The following CDH2 variants were observed in gnomAD, a reference collection of about 807,000 sequenced individuals.
The protein encoded by CDH2 is cadherin-2.
A neutral mutation model predicts 92.0 loss-of-function variants in CDH2; 17 were observed. That is an observed-to-expected ratio of 0.18 (90% CI 0.13 to 0.28). The LOEUF (loss-of-function observed/expected upper bound fraction) is 0.28, where lower values mean the gene tolerates loss of function less well. Ranked by LOEUF, CDH2 falls within the 10% of genes least tolerant of loss-of-function variation. The pLI, the probability that CDH2 is intolerant of heterozygous loss-of-function variation, is 1.00. For synonymous variants in CDH2, 419 were observed against 415.9 expected (o/e 1.01, Z -0.09); for missense variants, 862 against 1,133.1 (o/e 0.76, Z 3.44).
chr18:28,070,462 T>C (rs997226704), intron 2 of CDH2, among the ~76,000 whole-genome samples: 3 of 152,204 alleles, frequency 2.0e-5, no homozygotes, highest in Non-Finnish European at 2.9e-5. Context: ...TCTCATTCCA[T>C]GGCACCAGGT....
chr18:27,988,670 C>G lies in CDH2; in HGVS notation c.1599-4G>C. 6.3e-7 allele frequency: 1 copy of G among 1,587,248 alleles called. No individual in the cohort carries two copies. The highest frequency in any genetic ancestry group is 1.1e-5 in the South Asian group (1 of 89,044). ...AGGATCAGATAATTTAGTGTATCTA[C>G]AAAATGAAAGTGAAGTTTAATTTCT... On this transcript the variant is annotated splice_polypyrimidine_tract_variant and splice_region_variant and intron_variant, in intron 10 of 15. Transcript: ENST00000269141.
intron 2 of CDH2, among the ~76,000 whole-genome samples, chr18:28,075,224 T>C (rs1292892345): frequency 5.9e-5 from 9 of 152,172 alleles, no homozygotes; most frequent in East Asian, 3.9e-4. Context: ...AGTGCTGTGA[T>C]AGAGGTATGT....
intron 2 of CDH2, among the ~76,000 whole-genome samples, chr18:28,135,569 C>T (rs1330810177): frequency 6.6e-6 from 1 of 152,060 alleles, no homozygotes; most frequent in Non-Finnish European, 1.5e-5. Flanking sequence ...GTGAGATTAT[C>T]CCATAAGGGA....
At chr18:28,038,459 G>GTC (rs1174253149) in intron 2 of CDH2, among the ~76,000 whole-genome samples, 1 of 140,664 alleles carries the variant, frequency 7.1e-6, no homozygotes, top group Non-Finnish European at 1.5e-5. Flanking sequence ...GTGTGTGTGT[G>GTC]TGTCTATGTG....
intron 15 of CDH2, among the ~76,000 whole-genome samples, chr18:27,960,660 C>T (rs754490729): frequency 2.6e-5 from 4 of 152,148 alleles, no homozygotes; most frequent in Admixed American, 2.6e-4. Flanking sequence ...ATTACTTGCA[C>T]AGTTATGTTA....
chr18:28,143,001 G>A (rs780973291), intron 2 of CDH2, among the ~76,000 whole-genome samples: 10 of 151,836 alleles, frequency 6.6e-5, no homozygotes, highest in Admixed American at 4.6e-4. Flanking sequence ...ATACCATACC[G>A]CAGCTTCTTC....
At chr18:28,092,600 A>G (rs530009402) in intron 2 of CDH2, among the ~76,000 whole-genome samples, 165 of 151,930 alleles carry the variant, frequency 1.1e-3, no homozygotes, top group African/African-American at 3.8e-3. Flanking sequence ...CCCCATAAAA[A>G]CTCTGCAGTT....
At chr18:28,005,252 C>T (rs1274454213) in intron 6 of CDH2, among the ~76,000 whole-genome samples, 1 of 152,124 alleles carries the variant, frequency 6.6e-6, no homozygotes. Context: ...TCCACAAGTG[C>T]TATTTCTAGG....
At chr18:28,134,129 A>C (rs2144300929) in intron 2 of CDH2, among the ~76,000 whole-genome samples, 1 of 121,752 alleles carries the variant, frequency 8.2e-6, no homozygotes, top group Middle Eastern at 4.0e-3. Flanking sequence ...GTTCTGACTA[A>C]ATTTACAAAA....
intron 14 of CDH2, among the ~76,000 whole-genome samples, chr18:27,969,303 G>C (rs1228041819): frequency 6.6e-6 from 1 of 152,086 alleles, no homozygotes; most frequent in African/African-American, 2.4e-5. Flanking sequence ...AATCTTACTG[G>C]TAGCCAGTTT....
intron 2 of CDH2, among the ~76,000 whole-genome samples, chr18:28,122,002 C>T (rs2015596401): frequency 6.6e-6 from 1 of 152,030 alleles, no homozygotes; most frequent in Admixed American, 6.6e-5. Context: ...TTCCCTTCTC[C>T]CTCTTGACAC....
intron 2 of CDH2, among the ~76,000 whole-genome samples, chr18:28,015,715 A>G (rs944365744): frequency 7.9e-5 from 12 of 152,110 alleles, no homozygotes; most frequent in African/African-American, 2.4e-4. Context: ...GTCATCCATA[A>G]ACACCTGGAC....
At chr18:27,966,933 A>T (rs1241499479) in intron 14 of CDH2, among the ~76,000 whole-genome samples, 3 of 152,214 alleles carry the variant, frequency 2.0e-5, no homozygotes, top group Non-Finnish European at 2.9e-5. Flanking sequence ...CAGATATCAA[A>T]GGAGCAGCTA....
chr18:28,044,811 G>C (rs1287694811), intron 2 of CDH2, among the ~76,000 whole-genome samples: 1 of 151,332 alleles, frequency 6.6e-6, no homozygotes, highest in Non-Finnish European at 1.5e-5. Context: ...CTTGTTCCTA[G>C]AATTATACTG....
intron 2 of CDH2, among the ~76,000 whole-genome samples, chr18:28,025,956 G>C (rs1430092881): frequency 6.6e-6 from 1 of 152,074 alleles, no homozygotes; most frequent in African/African-American, 2.4e-5. Context: ...AATTTGATGG[G>C]ATCATTATTA....
At chr18:28,079,340 T>C (rs539781448) in intron 2 of CDH2, among the ~76,000 whole-genome samples, 41 of 152,328 alleles carry the variant, frequency 2.7e-4, no homozygotes, top group African/African-American at 9.6e-4. Flanking sequence ...GAAGGTAATA[T>C]TTTACAATAG....
intron 1 of CDH2, among the ~76,000 whole-genome samples, chr18:28,165,794 T>G (rs1379760468): frequency 6.6e-6 from 1 of 151,478 alleles, no homozygotes; most frequent in Non-Finnish European, 1.5e-5. Context: ...ACTAAGTCAG[T>G]GTAACCTTAA....
At chr18:27,941,772 C>G (rs1909144995) in intron 6 of CDH2, among the ~76,000 whole-genome samples, 1 of 152,138 alleles carries the variant, frequency 6.6e-6, no homozygotes, top group Admixed American at 6.5e-5. Flanking sequence ...ACTTTTTATG[C>G]CAAAGTCCAC....
intron 1 of CDH2, among the ~76,000 whole-genome samples, chr18:28,166,913 C>A: frequency 6.6e-6 from 1 of 152,030 alleles, no homozygotes; most frequent in East Asian, 1.9e-4. Flanking sequence ...CAATCTGCAT[C>A]CCTCCTGGCA....
Sources: gnomAD v4.1 joint callset for allele counts (sites outside exome capture counted in the v4.1 genomes callset) on GRCh38, gnomAD v4.1.1 for gene constraint, MANE v1.5 for transcripts, NCBI Gene and HGNC (gene_info 2026-07-23, HGNC 2026-07-21) for gene names.